METTL15: variants seen among roughly 807,000 people sequenced by gnomAD.
METTL15 encodes the protein methyltransferase 15, mitochondrial 12S rRNA N4-cytidine, also known as 12S rRNA N(4)-cytidine methyltransferase METTL15.
METTL15 carries 34 observed loss-of-function variants against 38.3 expected under a neutral mutation model. The ratio of observed to expected loss-of-function variants is 0.89; its 90% confidence interval spans 0.68 to 1.18. The LOEUF (loss-of-function observed/expected upper bound fraction) is 1.18, where lower values mean the gene tolerates loss of function less well. Among genes scored for constraint, METTL15 ranks in the 50% most tolerant of loss-of-function variants. METTL15 has a pLI of 0.00. For missense variants in METTL15, 438 were observed against 498.4 expected (o/e 0.88, Z 1.15); for synonymous variants, 162 against 170.9 (o/e 0.95, Z 0.41).
chr11:28,123,769 G>T, intron 3 of METTL15: 2 of 788,766 alleles, frequency 2.5e-6, no homozygotes, highest in Admixed American at 3.3e-5. Context: ...GTCCTATTTG[G>T]CCTGTGTCAT....
intron 6 of METTL15, among the ~76,000 whole-genome samples, chr11:28,495,996 AT>A (rs1033275490): frequency 6.6e-6 from 1 of 152,168 alleles, no homozygotes; most frequent in Non-Finnish European, 1.5e-5. Context: ...CGTTTCAAAC[AT>A]TTTTTTAGTG....
chr11:28,424,564 T>C (rs1320861985), intron 6 of METTL15, among the ~76,000 whole-genome samples: 1 of 152,204 alleles, frequency 6.6e-6, no homozygotes, highest in African/African-American at 2.4e-5. Flanking sequence ...TCTTCAAAGC[T>C]GTTTGGTTCT....
intron 3 of METTL15, among the ~76,000 whole-genome samples, chr11:28,195,487 A>G (rs987691911): frequency 1.5e-4 from 22 of 151,630 alleles, no homozygotes; most frequent in African/African-American, 5.3e-4. Flanking sequence ...ATTTTTTTCT[A>G]TGTTTGGCCA....
chr11:28,158,072 G>A (rs188470662), intron 3 of METTL15, among the ~76,000 whole-genome samples: 5 of 152,244 alleles, frequency 3.3e-5, no homozygotes, highest in African/African-American at 9.6e-5. Context: ...TCAGATTCAC[G>A]GGCTGTAGCC....
At chr11:28,422,376 C>G (rs1277914926) in intron 5 of METTL15, among the ~76,000 whole-genome samples, 1 of 151,864 alleles carries the variant, frequency 6.6e-6, no homozygotes, top group Non-Finnish European at 1.5e-5. Context: ...ACCCAGATAT[C>G]CAAAACTATA....
intron 5 of METTL15, among the ~76,000 whole-genome samples, chr11:28,365,434 C>T (rs948374659): frequency 1.3e-5 from 2 of 152,074 alleles, no homozygotes; most frequent in Non-Finnish European, 2.9e-5. Flanking sequence ...TATGCATGTC[C>T]TCTAGATTTT....
rs1270821377 is a variant in METTL15 at position 28,159,733 on chromosome 11, G to A, written c.270+46129G>A. Among the ~76,000 whole-genome samples the A allele has an allele frequency of 3.3e-5, 5 of 152,258 alleles. No homozygotes were observed. In the Middle Eastern group the frequency reaches 0.01, roughly 311 times the overall value. On this transcript the variant is annotated intron_variant, in intron 3 of 6. Coordinates refer to ENST00000407364, the MANE Select transcript of METTL15 (RefSeq NM_001113528.2). ...AGAATTTAAGTATCGTTAACTTTAT[G>A]TAATAGTATTTGGGTTAGGGATTGC...
chr11:28,286,309 A>G (rs1343149128), intron 4 of METTL15, among the ~76,000 whole-genome samples: 2 of 152,156 alleles, frequency 1.3e-5, no homozygotes, highest in East Asian at 3.9e-4. Context: ...TATTACACAT[A>G]TTTACAAAAT....
chr11:28,250,389 T>G (rs1854690786), intron 4 of METTL15, among the ~76,000 whole-genome samples: 1 of 151,988 alleles, frequency 6.6e-6, no homozygotes, highest in African/African-American at 2.4e-5. Context: ...GCATCTGCTA[T>G]TTTTGGACTT....
chr11:28,351,042 T>C (rs368312808), intron 3 of METTL15, among the ~76,000 whole-genome samples: 1 of 152,142 alleles, frequency 6.6e-6, no homozygotes. Context: ...AGTAGGGCAA[T>C]AGCAGCAGGG....
chr11:28,316,650 C>T (rs1857491110), intron 6 of METTL15, among the ~76,000 whole-genome samples: 1 of 152,140 alleles, frequency 6.6e-6, no homozygotes, highest in South Asian at 2.1e-4. Flanking sequence ...TGTGTCCCCA[C>T]CCAAATCTCA....
At chr11:28,496,314 G>A (rs886824210) in intron 6 of METTL15, among the ~76,000 whole-genome samples, 5 of 152,142 alleles carry the variant, frequency 3.3e-5, no homozygotes, top group Admixed American at 6.5e-5. Context: ...GAGACTTATT[G>A]ACTACCATGA....
intron 4 of METTL15, among the ~76,000 whole-genome samples, chr11:28,238,372 C>T (rs995181387): frequency 1.3e-5 from 2 of 152,204 alleles, no homozygotes; most frequent in South Asian, 2.1e-4. Context: ...GCCGTGCTAG[C>T]AATCAGCGAG....
intron 3 of METTL15, among the ~76,000 whole-genome samples, chr11:28,119,865 C>T (rs76110999): frequency 1.8e-3 from 269 of 152,208 alleles, no homozygotes; most frequent in African/African-American, 6.1e-3. Context: ...AGGCTGATGA[C>T]GGGAGTTTAT....
chr11:28,379,381 A>G (rs999310248), intron 5 of METTL15, among the ~76,000 whole-genome samples: 3 of 152,090 alleles, frequency 2.0e-5, no homozygotes, highest in African/African-American at 7.2e-5. Flanking sequence ...CATTTGCTGT[A>G]TCCCATAGAT....
chr11:28,293,178 T>C (rs538741258), intron 5 of METTL15, among the ~76,000 whole-genome samples: 1 of 152,344 alleles, frequency 6.6e-6, no homozygotes, highest in East Asian at 1.9e-4. Context: ...CTAAGGTTTT[T>C]ATGGTTTTAG....
At chr11:28,530,824 C>CA (rs946779450), downstream of METTL15, among the ~76,000 whole-genome samples, 2 of 151,848 alleles carry the variant, frequency 1.3e-5, no homozygotes, top group African/African-American at 2.4e-5. Flanking sequence ...TTATTTCTAG[C>CA]AAAAATTGTT....
At chr11:28,363,748 A>G (rs1157361144) in intron 5 of METTL15, among the ~76,000 whole-genome samples, 1 of 152,068 alleles carries the variant, frequency 6.6e-6, no homozygotes, top group Admixed American at 6.6e-5. Flanking sequence ...TCTTAGACAT[A>G]TCTTTGCCAA....
chr11:28,251,209 A>G (rs915336244), intron 4 of METTL15, among the ~76,000 whole-genome samples: 2 of 152,044 alleles, frequency 1.3e-5, no homozygotes, highest in Admixed American at 6.6e-5. Context: ...CTTCCACCCT[A>G]CCAAATCTTA....
Sources: gnomAD v4.1 joint callset for allele counts (sites outside exome capture counted in the v4.1 genomes callset) on GRCh38, gnomAD v4.1.1 for gene constraint, MANE v1.5 for transcripts, NCBI Gene and HGNC (gene_info 2026-07-23, HGNC 2026-07-21) for gene names.